IMMP2L: variants seen among roughly 807,000 people sequenced by gnomAD.
IMMP2L encodes inner mitochondrial membrane peptidase subunit 2.
Under a neutral mutation model 19.3 loss-of-function variants are expected in IMMP2L, and 18 were observed. The observed-to-expected ratio is 0.93, with a 90% CI of 0.64 to 1.38. IMMP2L has a LOEUF of 1.38. Ranked by LOEUF, IMMP2L falls within the 40% of genes most tolerant of loss-of-function variation. The pLI, the probability that IMMP2L is intolerant of heterozygous loss-of-function variation, is 0.00. For missense variants in IMMP2L, 233 were observed against 218.2 expected (o/e 1.07, Z -0.43); for synonymous variants, 76 against 73.0 (o/e 1.04, Z -0.21).
chr7:111,431,833 T>C (rs1836662169), intron 3 of IMMP2L, among the ~76,000 whole-genome samples: 1 of 151,842 alleles, frequency 6.6e-6, no homozygotes, highest in Non-Finnish European at 1.5e-5. Flanking sequence ...AGTTGAGACC[T>C]TTGCTGAATG....
intron 4 of IMMP2L, among the ~76,000 whole-genome samples, chr7:110,951,537 T>C (rs1272801474): frequency 1.8e-5 from 2 of 108,776 alleles, no homozygotes; most frequent in Non-Finnish European, 4.3e-5. Flanking sequence ...CATGTATATA[T>C]GGTGTGTGTG....
chr7:110,752,222 T>C (rs1797768946), intron 5 of IMMP2L, among the ~76,000 whole-genome samples: 1 of 152,000 alleles, frequency 6.6e-6, no homozygotes, highest in South Asian at 2.1e-4. Flanking sequence ...GGATATATAA[T>C]CTCTTCTGGT....
intron 3 of IMMP2L, among the ~76,000 whole-genome samples, chr7:111,171,517 T>C (rs945117922): frequency 2.6e-5 from 4 of 151,528 alleles, no homozygotes; most frequent in Non-Finnish European, 4.4e-5. Flanking sequence ...CTTTCTCACC[T>C]CCATGATCAA....
At chr7:111,452,183 C>G (rs1839269329) in intron 3 of IMMP2L, among the ~76,000 whole-genome samples, 1 of 152,134 alleles carries the variant, frequency 6.6e-6, no homozygotes, top group South Asian at 2.1e-4. Flanking sequence ...CAGCAACAAT[C>G]TTGTATAATC....
At chr7:111,144,076 C>T (rs1000975142) in intron 3 of IMMP2L, among the ~76,000 whole-genome samples, 1 of 152,098 alleles carries the variant, frequency 6.6e-6, no homozygotes, top group Admixed American at 6.6e-5. Context: ...TCTTACAAGG[C>T]AAACCCATCA....
chr7:111,269,036 G>C (rs1361889360), intron 3 of IMMP2L, among the ~76,000 whole-genome samples: 1 of 152,084 alleles, frequency 6.6e-6, no homozygotes, highest in African/African-American at 2.4e-5. Flanking sequence ...ACAAAAGTAA[G>C]GACAATACAG....
chr7:111,082,490 A>C (rs1431838613), intron 3 of IMMP2L, among the ~76,000 whole-genome samples: 1 of 152,226 alleles, frequency 6.6e-6, no homozygotes, highest in Non-Finnish European at 1.5e-5. Context: ...TCTCAGCTCC[A>C]TAATGCAATC....
intron 5 of IMMP2L, among the ~76,000 whole-genome samples, chr7:110,752,717 C>T (rs1395284501): frequency 6.6e-6 from 1 of 151,974 alleles, no homozygotes; most frequent in Admixed American, 6.6e-5. Flanking sequence ...AAGAAACCCC[C>T]AAACTCTGAA....
At chr7:110,986,096 A>G (rs1340547623) in intron 3 of IMMP2L, among the ~76,000 whole-genome samples, 4 of 152,184 alleles carry the variant, frequency 2.6e-5, no homozygotes, top group South Asian at 2.1e-4. Flanking sequence ...AGCTTTCAAC[A>G]TAGATGTGCG....
Position 110,663,582 on chromosome 7 carries a change from A to G in IMMP2L, c.*20T>C. 1 of 1,612,532 alleles carries G rather than the reference A, an allele frequency of 6.2e-7. No homozygotes were observed. ...AGTAACTGGCCTCCCAATGCCAGCA[A>G]CTCAGGTAGATTCATGCAGTCATTC... On this transcript the variant is annotated 3_prime_UTR_variant, in exon 6 of 6. Coordinates refer to ENST00000405709, the MANE Select transcript of IMMP2L (RefSeq NM_032549.4).
At chr7:111,396,671 A>C (rs553338322) in intron 3 of IMMP2L, among the ~76,000 whole-genome samples, 31 of 152,176 alleles carry the variant, frequency 2.0e-4, no homozygotes, top group Non-Finnish European at 5.9e-5. Flanking sequence ...TAAAATAAAA[A>C]TGAAAAAGAA....
In IMMP2L at chr7:110,944,759, C is replaced by T. The variant is rs546512065; in HGVS notation, c.305+18741G>A. On this transcript the variant is annotated intron_variant, in intron 4 of 5. Transcript: ENST00000405709. ...TAACTAATTCCAGAGACAGTTTACTCATATACAAGTGTATGGGTGTTTGTG... is the reference window on the plus strand; with the variant it reads ...TAACTAATTCCAGAGACAGTTTACTTATATACAAGTGTATGGGTGTTTGTG... 1.6e-4 allele frequency among the ~76,000 whole-genome samples: 24 copies of T among 151,916 alleles called. 1 individual carries two copies. In the South Asian group the frequency reaches 4.8e-3, roughly 30 times the overall value.
At chr7:111,258,648 A>G (rs895644816) in intron 3 of IMMP2L, among the ~76,000 whole-genome samples, 1 of 151,962 alleles carries the variant, frequency 6.6e-6, no homozygotes, top group African/African-American at 2.4e-5. Flanking sequence ...CTGGAATTAC[A>G]GGTACCTGCA....
chr7:110,813,641 G>T (rs1295034955), intron 5 of IMMP2L, among the ~76,000 whole-genome samples: 1 of 151,770 alleles, frequency 6.6e-6, no homozygotes, highest in Non-Finnish European at 1.5e-5. Context: ...TCAAAGTCAG[G>T]CTACCAGAGG....
At chr7:110,688,090 C>T (rs767352414) in intron 5 of IMMP2L, among the ~76,000 whole-genome samples, 23 of 151,878 alleles carry the variant, frequency 1.5e-4, no homozygotes, top group Non-Finnish European at 2.9e-4. Flanking sequence ...GAAAGAACAC[C>T]GTGGTACCAA....
intron 1 of IMMP2L, among the ~76,000 whole-genome samples, chr7:111,539,915 T>C (rs117503378): frequency 0.013 from 2,034 of 152,216 alleles, 30 homozygotes; most frequent in Non-Finnish European, 0.017. Flanking sequence ...CAAAATGGGT[T>C]TTTGATAAGT....
chr7:110,875,480 TAG>T (rs756624577), intron 5 of IMMP2L, among the ~76,000 whole-genome samples: 1 of 152,176 alleles, frequency 6.6e-6, no homozygotes, highest in Non-Finnish European at 1.5e-5. Flanking sequence ...TCTCCTTGAC[TAG>T]AGTCTACATA....
intron 2 of IMMP2L, among the ~76,000 whole-genome samples, chr7:111,515,135 C>T (rs1163449103): frequency 6.6e-6 from 1 of 152,060 alleles, no homozygotes; most frequent in Non-Finnish European, 1.5e-5. Flanking sequence ...GTTCATCAAA[C>T]TTTATCTTTG....
At chr7:111,080,531 C>T (rs947942999) in intron 3 of IMMP2L, among the ~76,000 whole-genome samples, 6 of 151,284 alleles carry the variant, frequency 4.0e-5, no homozygotes, top group Non-Finnish European at 5.9e-5. Flanking sequence ...ATATATATTA[C>T]ATATGTGTGT....
Sources: allele counts gnomAD v4.1 joint callset (sites outside exome capture counted in the v4.1 genomes callset), GRCh38; gene constraint gnomAD v4.1.1; transcripts MANE v1.5; gene names NCBI Gene and HGNC (gene_info 2026-07-23, HGNC 2026-07-21).